JAZF1: variants seen among roughly 807,000 people sequenced by gnomAD.
JAZF1 encodes JAZF zinc finger 1, also known as juxtaposed with another zinc finger protein 1.
JAZF1 carries 8 observed loss-of-function variants against 26.4 expected under a neutral mutation model. The observed-to-expected ratio is 0.30, with a 90% CI of 0.18 to 0.55. The LOEUF is 0.55. Ranked by LOEUF, JAZF1 falls within the 20% of genes least tolerant of loss-of-function variation. JAZF1 has a pLI of 0.94. For missense variants in JAZF1, 199 were observed against 322.0 expected (o/e 0.62, Z 2.92); for synonymous variants, 126 against 122.3 (o/e 1.03, Z -0.20).
At chr7:28,021,521 T>G (rs575912427) in intron 1 of JAZF1, among the ~76,000 whole-genome samples, 7 of 152,236 alleles carry the variant, frequency 4.6e-5, no homozygotes, top group African/African-American at 1.7e-4. Context: ...TGCTAACAGC[T>G]GGAGGAGCAG....
At chr7:27,856,647 C>CT (rs1392685147) in intron 3 of JAZF1, among the ~76,000 whole-genome samples, 1 of 152,206 alleles carries the variant, frequency 6.6e-6, no homozygotes, top group Non-Finnish European at 1.5e-5. Context: ...TCCATGTCCC[C>CT]ACCAGATTAG....
At chr7:28,153,552 C>G (rs1447347986) in intron 1 of JAZF1, among the ~76,000 whole-genome samples, 3 of 152,168 alleles carry the variant, frequency 2.0e-5, no homozygotes, top group African/African-American at 7.2e-5. Context: ...TGAGGCAAAC[C>G]TATCCCATAG....
chr7:28,064,470 G>T (rs1783849293), intron 1 of JAZF1, among the ~76,000 whole-genome samples: 1 of 151,990 alleles, frequency 6.6e-6, no homozygotes, highest in Non-Finnish European at 1.5e-5. Flanking sequence ...ATTCAACAAA[G>T]AACTAGTTTT....
chr7:27,944,933 T>G (rs1784903117), intron 2 of JAZF1, among the ~76,000 whole-genome samples: 1 of 152,162 alleles, frequency 6.6e-6, no homozygotes, highest in African/African-American at 2.4e-5. Context: ...GCCACACCCT[T>G]TCCGGAACGC....
At chr7:27,973,943 AG>A (rs1246585660) in intron 2 of JAZF1, among the ~76,000 whole-genome samples, 1 of 152,206 alleles carries the variant, frequency 6.6e-6, no homozygotes, top group African/African-American at 2.4e-5. Flanking sequence ...GGACAAGAGC[AG>A]GGGAAGCATT....
chr7:28,052,566 C>A (rs1306116303), intron 1 of JAZF1, among the ~76,000 whole-genome samples: 1 of 152,180 alleles, frequency 6.6e-6, no homozygotes, highest in Non-Finnish European at 1.5e-5. Context: ...TCTGGCACAA[C>A]AGGAATTGCA....
At chr7:27,839,254 G>A (rs1782878251) in intron 4 of JAZF1, among the ~76,000 whole-genome samples, 1 of 152,114 alleles carries the variant, frequency 6.6e-6, no homozygotes, top group South Asian at 2.1e-4. Context: ...AGACACCCCC[G>A]GCCTGGTGCT....
intron 1 of JAZF1, among the ~76,000 whole-genome samples, chr7:28,105,988 G>C (rs1784544823): frequency 6.6e-6 from 1 of 152,174 alleles, no homozygotes; most frequent in Non-Finnish European, 1.5e-5. Context: ...ATGGGAAACT[G>C]TTTTAAGGAT....
chr7:27,861,948 C>T (rs115913478), intron 3 of JAZF1, among the ~76,000 whole-genome samples: 1 of 152,316 alleles, frequency 6.6e-6, no homozygotes, highest in African/African-American at 2.4e-5. Flanking sequence ...CTCAGCCTCC[C>T]TGTTCTAAGA....
intron 3 of JAZF1, among the ~76,000 whole-genome samples, chr7:27,856,376 G>A (rs200675352): frequency 1.3e-5 from 2 of 152,210 alleles, no homozygotes; most frequent in African/African-American, 4.8e-5. Context: ...AGGCAGTGTG[G>A]ACCCAAAGAG....
chr7:28,121,268 C>A (rs1782599645), intron 1 of JAZF1, among the ~76,000 whole-genome samples: 2 of 152,032 alleles, frequency 1.3e-5, no homozygotes, highest in South Asian at 2.1e-4. Context: ...TCCCCTCTGG[C>A]CAGTGAGCTG....
chr7:28,079,886 G>A (rs1204166936), intron 1 of JAZF1, among the ~76,000 whole-genome samples: 1 of 152,080 alleles, frequency 6.6e-6, no homozygotes, highest in Non-Finnish European at 1.5e-5. Flanking sequence ...CAGAGATACT[G>A]CTGGTCTGGT....
intron 1 of JAZF1, among the ~76,000 whole-genome samples, chr7:28,091,115 C>T (rs1196892383): frequency 6.6e-6 from 1 of 151,900 alleles, no homozygotes; most frequent in Non-Finnish European, 1.5e-5. Context: ...CGTGAGCCAC[C>T]GCGCCCGGCC....
At chr7:28,013,439 G>T (rs1405252018) in intron 1 of JAZF1, among the ~76,000 whole-genome samples, 2 of 152,150 alleles carry the variant, frequency 1.3e-5, no homozygotes, top group African/African-American at 4.8e-5. Flanking sequence ...TCACCTGGAG[G>T]CCTGTTACAG....
At chr7:28,018,473 A>G (rs1782939959) in intron 1 of JAZF1, among the ~76,000 whole-genome samples, 1 of 152,232 alleles carries the variant, frequency 6.6e-6, no homozygotes, top group Non-Finnish European at 1.5e-5. Context: ...CACGGTGACT[A>G]CATGTCACAC....
At chr7:27,921,680 C>G (rs865979000) in intron 2 of JAZF1, among the ~76,000 whole-genome samples, 1 of 152,090 alleles carries the variant, frequency 6.6e-6, no homozygotes, top group African/African-American at 2.4e-5. Flanking sequence ...TCTTCATCAT[C>G]ATCGTAATTC....
At chr7:27,997,333 G>T (rs1380633913) in intron 1 of JAZF1, among the ~76,000 whole-genome samples, 2 of 152,154 alleles carry the variant, frequency 1.3e-5, no homozygotes, top group Non-Finnish European at 2.9e-5. Flanking sequence ...AGAGCGCAGG[G>T]CTGAGAAAAT....
rs186089549 is a variant in JAZF1, at chr7:27,840,933, C to T, written c.386-66G>A. On this transcript the variant is annotated intron_variant, in intron 3 of 4. Coordinates refer to ENST00000283928, the MANE Select transcript of JAZF1 (RefSeq NM_175061.4). This position sits in a 1 kb window ranked among gnomAD's most constrained non-coding sequence, Gnocchi z 5.1. ...ATCTCCCCACAGGTTCACCCGGCCA[C>T]TTCCAGGACAGGAGATGTGGCCGTG... 9.0e-6 allele frequency: 14 copies of T among 1,552,918 alleles called. No individual in the cohort carries two copies. In the African/African-American group the frequency reaches 1.5e-4, roughly 17 times the overall value.
intron 2 of JAZF1, among the ~76,000 whole-genome samples, chr7:27,930,095 A>G (rs1476491355): frequency 6.6e-6 from 1 of 151,880 alleles, no homozygotes; most frequent in African/African-American, 2.4e-5. Context: ...TCCCGGGTTC[A>G]CACCATTCTC....
Sources: gnomAD v4.1 joint callset for allele counts (sites outside exome capture counted in the v4.1 genomes callset) on GRCh38, gnomAD v4.1.1 for gene constraint, Gnocchi (gnomAD v3.1) non-coding constraint, MANE v1.5 for transcripts, NCBI Gene and HGNC (gene_info 2026-07-23, HGNC 2026-07-21) for gene names.